The following KCND2 variants were observed in gnomAD, a reference collection of about 807,000 sequenced individuals.
The protein encoded by KCND2 is A-type voltage-gated potassium channel KCND2.
KCND2 carries 16 observed loss-of-function variants against 54.4 expected under a neutral mutation model. The observed-to-expected ratio is 0.29, with a 90% confidence interval of 0.20 to 0.45. The LOEUF (loss-of-function observed/expected upper bound fraction) is 0.45. KCND2 is among the 20% of genes least tolerant of loss of function. The probability of loss-of-function intolerance (pLI) is 1.00; values close to 1 mark genes in which losing one functional copy is unlikely to be tolerated. For synonymous variants in KCND2, 317 were observed against 310.7 expected (o/e 1.02, Z -0.21); for missense variants, 486 against 824.2 (o/e 0.59, Z 5.02).
At chr7:120,356,011 G>A (rs1046130015) in intron 1 of KCND2, among the ~76,000 whole-genome samples, 1 of 152,012 alleles carries the variant, frequency 6.6e-6, no homozygotes, top group Non-Finnish European at 1.5e-5. Flanking sequence ...ATAGTAAGGA[G>A]CATTTAAAGT....
chr7:120,284,829 T>G (rs1799316442), intron 1 of KCND2, among the ~76,000 whole-genome samples: 1 of 152,186 alleles, frequency 6.6e-6, no homozygotes. Context: ...TATTTCTTTC[T>G]CTACTTTATG....
At chr7:120,714,978 A>G (rs1002050941) in intron 1 of KCND2, among the ~76,000 whole-genome samples, 7 of 152,094 alleles carry the variant, frequency 4.6e-5, no homozygotes, top group African/African-American at 9.7e-5. Context: ...ATTGAGAATC[A>G]AGCACTTACA....
chr7:120,313,524 C>T (rs938247302), intron 1 of KCND2, among the ~76,000 whole-genome samples: 3 of 151,828 alleles, frequency 2.0e-5, no homozygotes, highest in Non-Finnish European at 4.4e-5. Flanking sequence ...GACTTAAACC[C>T]GATTTTCCAT....
chr7:120,434,620 C>T (rs756701085), intron 1 of KCND2, among the ~76,000 whole-genome samples: 11 of 152,186 alleles, frequency 7.2e-5, no homozygotes, highest in Admixed American at 1.3e-4. Flanking sequence ...TGCAGTGAAA[C>T]GTAGTGGCAA....
At chr7:120,623,566 A>G (rs190702269) in intron 1 of KCND2, among the ~76,000 whole-genome samples, 290 of 152,302 alleles carry the variant, frequency 1.9e-3, no homozygotes, top group Middle Eastern at 3.4e-3. Context: ...GAGACTGTGC[A>G]TTTTCAACAA....
chr7:120,473,998 G>A (rs918993640), intron 1 of KCND2, among the ~76,000 whole-genome samples: 1 of 152,152 alleles, frequency 6.6e-6, no homozygotes, highest in Non-Finnish European at 1.5e-5. Flanking sequence ...ACTGAAACCT[G>A]CAGTGGTGTA....
intron 1 of KCND2, among the ~76,000 whole-genome samples, chr7:120,276,528 T>C (rs1352118376): frequency 1.3e-5 from 2 of 152,108 alleles, no homozygotes; most frequent in African/African-American, 2.4e-5. Flanking sequence ...ACATAGAAGA[T>C]AGAGCAGTAT....
chr7:120,703,901 T>C (rs1297773212), intron 1 of KCND2, among the ~76,000 whole-genome samples: 1 of 152,196 alleles, frequency 6.6e-6, no homozygotes, highest in African/African-American at 2.4e-5. Context: ...CTCACTCACT[T>C]GGACATCTCA....
intron 1 of KCND2, among the ~76,000 whole-genome samples, chr7:120,572,932 G>C (rs10272611): frequency 0.057 from 8,709 of 152,132 alleles, 728 homozygotes; most frequent in African/African-American, 0.19. Flanking sequence ...ACAAACATGA[G>C]ATATTTTTCT....
intron 1 of KCND2, among the ~76,000 whole-genome samples, chr7:120,404,510 T>A (rs891844517): frequency 1.4e-4 from 22 of 152,120 alleles, no homozygotes; most frequent in African/African-American, 4.8e-4. Flanking sequence ...ATGAGAAAAA[T>A]TCATAGATTT....
At chr7:120,342,035 A>G (rs1346158966) in intron 1 of KCND2, among the ~76,000 whole-genome samples, 1 of 152,172 alleles carries the variant, frequency 6.6e-6, no homozygotes, top group African/African-American at 2.4e-5. Context: ...TACTGTAGGA[A>G]TCATTAAGTA....
rs535663970 is a variant in KCND2 at position 120,305,140 on chromosome 7, A to G, written c.1115+29393A>G. Among the ~76,000 whole-genome samples the G allele has an allele frequency of 2.0e-5, 3 of 152,286 alleles. No homozygotes were observed. The South Asian group carries it at 6.2e-4, about 32-fold the overall frequency. The stretch of plus-strand genomic sequence containing the variant: ...GCTATAATTAGTTATATCAGCCTTC[A>G]CATCAAAAGGGTAGTAATTTTCTGA... On this transcript the variant is annotated intron_variant, in intron 1 of 5. Coordinates refer to ENST00000331113, the MANE Select transcript of KCND2 (RefSeq NM_012281.3).
intron 1 of KCND2, among the ~76,000 whole-genome samples, chr7:120,479,808 A>AG (rs1336373854): frequency 3.3e-5 from 5 of 149,368 alleles, no homozygotes; most frequent in Non-Finnish European, 6.0e-5. Flanking sequence ...AAAAAAAAAA[A>AG]AAAAAAAAAA....
In KCND2 at chr7:120,745,854, T is replaced by A; in HGVS notation, c.1542T>A (p.Ser514Arg). The A allele has an allele frequency of 6.2e-7, 1 of 1,613,856 alleles. No individual in the cohort carries two copies. Among genetic ancestry groups the A allele is most frequent in the Non-Finnish European group, 8.5e-7 (1 of 1,179,824 alleles). The change falls in exon 5 of 6, where the codon AGT becomes AGA. Residue 514 changes from serine to arginine, a missense_variant. This residue lies in a region of KCND2 where 202 missense variants were observed against 252.7 expected (regional missense o/e 0.80). Coordinates refer to ENST00000331113, the MANE Select transcript of KCND2 (RefSeq NM_012281.3). ...MEVATVNRPS[S>R]HSPSLSSQQG... is the part of the protein sequence containing the mutation. The stretch of plus-strand genomic sequence containing the variant: ...TTGCAACTGTTAATCGTCCTTCAAG[T>A]CACAGTCCTTCACTGTCTTCACAAC...
chr7:120,640,332 C>T (rs958941856), intron 1 of KCND2, among the ~76,000 whole-genome samples: 33 of 152,078 alleles, frequency 2.2e-4, no homozygotes, highest in Non-Finnish European at 1.9e-4. Flanking sequence ...AATAAATATA[C>T]GTTAAGAAGA....
chr7:120,721,907 C>A (rs1014318545), intron 1 of KCND2, among the ~76,000 whole-genome samples: 4 of 152,086 alleles, frequency 2.6e-5, no homozygotes, highest in Admixed American at 1.3e-4. Context: ...CCATACTGTT[C>A]TCATAGTAGT....
intron 1 of KCND2, among the ~76,000 whole-genome samples, chr7:120,721,978 C>T (rs1792672052): frequency 6.6e-6 from 1 of 152,162 alleles, no homozygotes; most frequent in African/African-American, 2.4e-5. Context: ...TTGGCCGTCA[C>T]TCTCCCTTTG....
At chr7:120,543,770 C>T (rs1470886315) in intron 1 of KCND2, among the ~76,000 whole-genome samples, 1 of 151,842 alleles carries the variant, frequency 6.6e-6, no homozygotes, top group African/African-American at 2.4e-5. Flanking sequence ...AGTGCATTGT[C>T]CATATGGGCA....
intron 1 of KCND2, among the ~76,000 whole-genome samples, chr7:120,652,703 C>T (rs1791753134): frequency 6.6e-6 from 1 of 152,088 alleles, no homozygotes; most frequent in Non-Finnish European, 1.5e-5. Flanking sequence ...TATGGAGAAC[C>T]TTGAGCTACC....
Sources: allele counts gnomAD v4.1 joint callset (sites outside exome capture counted in the v4.1 genomes callset), GRCh38; gene constraint gnomAD v4.1.1; regional missense constraint gnomAD v4.1.1; transcripts MANE v1.5; gene names NCBI Gene and HGNC (gene_info 2026-07-23, HGNC 2026-07-21).